Variants in FDFT1 observed in about 807,000 individuals in gnomAD.
FDFT1 encodes squalene synthase.
Under a neutral mutation model 46.8 loss-of-function variants are expected in FDFT1, and 68 were observed. The observed-to-expected ratio is 1.45, with a 90% confidence interval of 1.19 to 1.78. The LOEUF is 1.78. Ranked by LOEUF, FDFT1 falls within the 40% of genes most tolerant of loss-of-function variation. The pLI, the probability that FDFT1 is intolerant of heterozygous loss-of-function variation, is 0.00. For synonymous variants in FDFT1, 351 were observed against 185.1 expected, an observed-to-expected ratio of 1.90 and a Z score of -7.28; for missense variants, 928 against 524.4, an observed-to-expected ratio of 1.77 and a Z score of -7.52.
intron 1 of FDFT1, 90 bp from the exon 2 acceptor site, chr8:11,808,704 C>CCCCAGT (rs1371911265): frequency 7.1e-7 from 1 of 1,406,184 alleles, no homozygotes; most frequent in African/African-American, 1.8e-5. Context: ...GAGCCGCCTG[C>CCCCAGT]CCCAGTCCCA....
Position 11,796,770 on chromosome 8 carries a change from G to A in FDFT1, c.-94+759G>A, listed in dbSNP as rs1467653173. ...TGCTGAGGTTGTGGTTTTCTTGCAG[G>A]ACAGGCAAGCCCCAAATTGGGCCTT... On this transcript the variant is annotated intron_variant, in intron 1 of 7. Coordinates refer to the FDFT1 transcript ENST00000538689. Among the ~76,000 whole-genome samples, 5 of 152,244 alleles carry A rather than the reference G, an allele frequency of 3.3e-5. 1 individual carries two copies. Among genetic ancestry groups the A allele is most frequent in the African/African-American group, 1.2e-4 (5 of 41,460 alleles).
At chr8:11,802,713 G>A, upstream of FDFT1, 3 of 780,170 alleles carry the variant, frequency 3.8e-6, no homozygotes, top group Non-Finnish European at 6.4e-6. Context: ...CGCCGTACTA[G>A]GCCTGCCCCC....
intron 4 of FDFT1, among the ~76,000 whole-genome samples, chr8:11,822,586 G>A (rs1268313564): frequency 6.6e-6 from 1 of 152,146 alleles, no homozygotes; most frequent in Non-Finnish European, 1.5e-5. Context: ...GGCTGAGGTG[G>A]GAGGATCATT....
chr8:11,800,581 A>C (rs1442962779), upstream of FDFT1, among the ~76,000 whole-genome samples: 2 of 152,208 alleles, frequency 1.3e-5, no homozygotes, highest in African/African-American at 4.8e-5. Context: ...AGGTTGAAAC[A>C]CCTTCAAATA....
Position 11,809,845 on chromosome 8 carries a change from C to A in FDFT1, c.376C>A (p.Pro126Thr). The A allele has an allele frequency of 6.2e-7, 1 of 1,612,264 alleles. No homozygotes were observed. Among genetic ancestry groups the A allele is most frequent in the Non-Finnish European group, 8.5e-7 (1 of 1,178,816 alleles). ...EKDRQVLEDF[P>T]TISLEFRNLA... Reference sequence around the variant, plus strand: ...GGATCGCCAGGTGCTGGAGGACTTCCCAACGGTGAGTGGGGTTACGCATCT... The same window carrying A: ...GGATCGCCAGGTGCTGGAGGACTTCACAACGGTGAGTGGGGTTACGCATCT... The change falls in exon 3 of 8, where the codon CCA (proline) becomes ACA (threonine). Residue 126 changes from proline (P) to threonine (T), a missense_variant. Transcript: ENST00000220584.
upstream of FDFT1, among the ~76,000 whole-genome samples, chr8:11,799,151 A>G (rs532464291): frequency 1.2e-4 from 18 of 152,318 alleles, 1 homozygote; most frequent in African/African-American, 3.4e-4. Context: ...ATTACACCCT[A>G]TAGGTCAAAA....
chr8:11,809,258 A>G, intron 2 of FDFT1: 2 of 1,146,250 alleles, frequency 1.7e-6, no homozygotes, highest in Non-Finnish European at 2.2e-6. Context: ...GCCTCTGTGC[A>G]CATTACACCC....
chr8:11,831,652 A>T lies in FDFT1; in HGVS notation c.1014A>T (p.Ile338=), dbSNP rs775058135. 1 of 1,613,696 alleles carries T rather than the reference A, an allele frequency of 6.2e-7. No individual in the cohort carries two copies. Among genetic ancestry groups the T allele is most frequent in the Non-Finnish European group, 8.5e-7 (1 of 1,179,664 alleles). ...ATATGCCAGCTGTCAAAGCCATCAT[A>T]TATCAGTATATGGAAGAGGTGGGTT... ...ATNMPAVKAI[I]YQYMEEIYHR... The change falls in exon 7 of 8, where the codon ATA becomes ATT. Residue 338 remains isoleucine, a synonymous_variant. Coordinates refer to ENST00000220584, the MANE Select transcript of FDFT1 (RefSeq NM_004462.5).
chr8:11,802,696 G>A (rs983272006), upstream of FDFT1: 25 of 675,252 alleles, frequency 3.7e-5, no homozygotes, highest in Admixed American at 2.4e-4. Flanking sequence ...AGCGGCGGGC[G>A]GGGCGTCGCC....
chr8:11,821,958 A>C, intron 4 of FDFT1, 80 bp downstream of exon 4: 2 of 1,535,794 alleles, frequency 1.3e-6, no homozygotes, highest in Non-Finnish European at 1.8e-6. Flanking sequence ...AGAACAAGAA[A>C]AGTTGTCCAG....
intron 7 of FDFT1, among the ~76,000 whole-genome samples, chr8:11,834,404 C>G (rs969085144): frequency 3.3e-5 from 5 of 152,318 alleles, no homozygotes; most frequent in African/African-American, 9.6e-5. Context: ...CCCTCTCTGC[C>G]AAAGTGAATT....
At chr8:11,800,501 G>C (rs927160894), upstream of FDFT1, among the ~76,000 whole-genome samples, 4 of 152,064 alleles carry the variant, frequency 2.6e-5, no homozygotes, top group African/African-American at 7.2e-5. Flanking sequence ...TAGCAACTTA[G>C]AAGTTTTTAA....
Position 11,809,811 on chromosome 8 carries a change from C to T in FDFT1, c.342C>T (p.Ser114=). 4 of 1,613,974 alleles carry T rather than the reference C, an allele frequency of 2.5e-6. No homozygotes were observed. Among genetic ancestry groups the T allele is most frequent in the Non-Finnish European group, 3.4e-6 (4 of 1,179,934 alleles). ...AACCAGACTGGCGGTTCATGGAGAGCAAGGAGAAGGATCGCCAGGTGCTGG... is the reference window on the plus strand; with the variant it reads ...AACCAGACTGGCGGTTCATGGAGAGTAAGGAGAAGGATCGCCAGGTGCTGG... ...LYQPDWRFME[S]KEKDRQVLED... The change falls in exon 3 of 8, where the codon AGC becomes AGT. Residue 114 remains serine (S), a synonymous_variant. Transcript: ENST00000220584.
upstream of FDFT1, among the ~76,000 whole-genome samples, chr8:11,799,923 C>A (rs559922660): frequency 1.4e-5 from 2 of 139,898 alleles, no homozygotes; most frequent in Non-Finnish European, 3.0e-5. Context: ...TCCAGCCTCA[C>A]GACAGAGTGA....
chr8:11,808,275 G>A (rs376464546), intron 1 of FDFT1: 29 of 1,217,822 alleles, frequency 2.4e-5, no homozygotes, highest in Admixed American at 8.6e-5. Context: ...CGAGCGAGCC[G>A]CTCGGAAGTG....
chr8:11,806,052 C>G (rs189992919), intron 1 of FDFT1, among the ~76,000 whole-genome samples: 6 of 152,248 alleles, frequency 3.9e-5, no homozygotes, highest in East Asian at 1.9e-4. Flanking sequence ...GAAATCTATT[C>G]TATTTTAAAG....
At chr8:11,800,676 C>T (rs550875027), upstream of FDFT1, among the ~76,000 whole-genome samples, 1 of 152,272 alleles carries the variant, frequency 6.6e-6, no homozygotes, top group East Asian at 1.9e-4. Flanking sequence ...ATTGTGAGAG[C>T]TAAGAACATG....
intron 3 of FDFT1, among the ~76,000 whole-genome samples, chr8:11,816,865 C>A (rs1265166859): frequency 1.3e-5 from 2 of 152,184 alleles, no homozygotes; most frequent in East Asian, 1.9e-4. Context: ...TTATTTCTTT[C>A]TCTTGCCTGA....
chr8:11,802,242 CTT>C (rs1319446899), upstream of FDFT1: 1 of 383,508 alleles, frequency 2.6e-6, no homozygotes, highest in East Asian at 7.1e-5. Flanking sequence ...CTGGCCCGGC[CTT>C]TTCACGGTTT....
Sources: allele counts gnomAD v4.1 joint callset (sites outside exome capture counted in the v4.1 genomes callset), GRCh38; gene constraint gnomAD v4.1.1; transcripts MANE v1.5; gene names NCBI Gene and HGNC (gene_info 2026-07-23, HGNC 2026-07-21).